The following NRXN3 variants were observed in gnomAD, a reference collection of about 807,000 sequenced individuals.
NRXN3 encodes neurexin 3, also known as neurexin III.
Under a neutral mutation model 137.6 loss-of-function variants are expected in NRXN3, and 32 were observed. The ratio of observed to expected loss-of-function variants is 0.23; its 90% CI spans 0.18 to 0.31. NRXN3 has a LOEUF of 0.31. Ranked by LOEUF, NRXN3 falls within the 10% of genes least tolerant of loss-of-function variation. The probability of loss-of-function intolerance (pLI) is 1.00; values close to 1 mark genes in which losing one functional copy is unlikely to be tolerated. For missense variants in NRXN3, 1,574 were observed against 2,062.5 expected, an observed-to-expected ratio of 0.76 and a Z score of 4.59; for synonymous variants, 798 against 784.5, an observed-to-expected ratio of 1.02 and a Z score of -0.29.
chr14:79,605,013 CAG>C (rs2097986363), intron 16 of NRXN3, among the ~76,000 whole-genome samples: 1 of 152,134 alleles, frequency 6.6e-6, no homozygotes, highest in African/African-American at 2.4e-5. Flanking sequence ...GCCTGGGCGA[CAG>C]AGTGAGACTC....
At chr14:79,037,958 G>A (rs1230821681) in intron 15 of NRXN3, among the ~76,000 whole-genome samples, 1 of 152,104 alleles carries the variant, frequency 6.6e-6, no homozygotes, top group Non-Finnish European at 1.5e-5. Context: ...ATCAGGTTAG[G>A]CTGAAAATAT....
intron 15 of NRXN3, among the ~76,000 whole-genome samples, chr14:79,051,378 TACATAA>T (rs2099641656): frequency 6.6e-6 from 1 of 152,182 alleles, no homozygotes; most frequent in African/African-American, 2.4e-5. Context: ...CTTTCTCTTA[TACATAA>T]AGAAACTGAG....
At chr14:79,011,995 A>T (rs1388593592) in intron 15 of NRXN3, among the ~76,000 whole-genome samples, 1 of 152,238 alleles carries the variant, frequency 6.6e-6, no homozygotes, top group Non-Finnish European at 1.5e-5. Flanking sequence ...TTACCATGCA[A>T]GAATTTTATT....
At chr14:79,019,653 A>C (rs1371353108) in intron 15 of NRXN3, among the ~76,000 whole-genome samples, 1 of 152,186 alleles carries the variant, frequency 6.6e-6, no homozygotes, top group Non-Finnish European at 1.5e-5. Flanking sequence ...TAGAAGAATT[A>C]CAGCATCCTA....
intron 4 of NRXN3, among the ~76,000 whole-genome samples, chr14:78,543,439 T>C (rs1478055090): frequency 6.6e-6 from 1 of 152,212 alleles, no homozygotes; most frequent in Non-Finnish European, 1.5e-5. Context: ...AGAAGTGTTT[T>C]TGAGCACTAA....
chr14:78,568,860 A>T (rs2096860901), intron 4 of NRXN3, among the ~76,000 whole-genome samples: 1 of 152,056 alleles, frequency 6.6e-6, no homozygotes, highest in Admixed American at 6.5e-5. Context: ...TGGGCATGAG[A>T]AACACTGGCA....
At chr14:79,837,791 A>G (rs1246259869) in intron 20 of NRXN3, among the ~76,000 whole-genome samples, 1 of 152,208 alleles carries the variant, frequency 6.6e-6, no homozygotes, top group Non-Finnish European at 1.5e-5. Flanking sequence ...AATGCCTTCA[A>G]ACATGAAGGC....
intron 15 of NRXN3, chr14:79,299,004 C>G (rs1263498198): frequency 6.6e-6 from 1 of 152,250 alleles, no homozygotes; most frequent in Non-Finnish European, 1.5e-5. Context: ...GCTAAACGTG[C>G]TATGCTAGTG....
intron 15 of NRXN3, among the ~76,000 whole-genome samples, chr14:79,029,725 G>A (rs1455358559): frequency 1.3e-5 from 2 of 152,018 alleles, no homozygotes; most frequent in African/African-American, 4.8e-5. Context: ...ATCTCCAGAT[G>A]TTGCCAAATA....
At position 78,516,732 on chromosome 14, in the gene NRXN3, A is replaced by T. The variant is rs1174842694; in HGVS notation, c.758-128388A>T. On this transcript the variant is annotated intron_variant, in intron 4 of 20. Transcript: ENST00000335750. ...ACCAAATGCCTAGTTGAGTTCTCTG[A>T]TGGGTAAGGTAGAATATTTGAGAGA... Among the ~76,000 whole-genome samples the T allele has an allele frequency of 4.6e-5, 7 of 152,148 alleles. No individual in the cohort carries two copies. The East Asian group carries it at 1.3e-3, about 29-fold the overall frequency.
intron 10 of NRXN3, among the ~76,000 whole-genome samples, chr14:78,943,745 C>A (rs1477990691): frequency 1.4e-5 from 2 of 139,136 alleles, no homozygotes; most frequent in Non-Finnish European, 3.1e-5. Context: ...GACAAGGTGG[C>A]AGGGTCCTTA....
intron 4 of NRXN3, among the ~76,000 whole-genome samples, chr14:78,573,302 AT>A (rs1360995643): frequency 1.3e-5 from 2 of 152,176 alleles, no homozygotes; most frequent in Admixed American, 6.5e-5. Context: ...ATACCCAAAA[AT>A]GTGAAAGTGA....
intron 10 of NRXN3, among the ~76,000 whole-genome samples, chr14:78,865,352 A>C (rs1429355198): frequency 1.3e-5 from 2 of 152,214 alleles, no homozygotes; most frequent in Non-Finnish European, 2.9e-5. Flanking sequence ...TAAGTAAAAT[A>C]ATTAATGATA....
intron 6 of NRXN3, among the ~76,000 whole-genome samples, chr14:78,674,624 A>G (rs2097980151): frequency 6.6e-6 from 1 of 152,168 alleles, no homozygotes; most frequent in Non-Finnish European, 1.5e-5. Context: ...ATCCATTAGC[A>G]GTGAGTGTGG....
intron 15 of NRXN3, among the ~76,000 whole-genome samples, chr14:79,030,220 G>T (rs1050365669): frequency 6.6e-6 from 1 of 151,468 alleles, no homozygotes; most frequent in Non-Finnish European, 1.5e-5. Context: ...CCTCTACATA[G>T]TAGATGCCAG....
intron 4 of NRXN3, among the ~76,000 whole-genome samples, chr14:78,624,089 A>G (rs1601528943): frequency 6.6e-6 from 1 of 152,240 alleles, no homozygotes; most frequent in Admixed American, 6.5e-5. Context: ...TCTATGGACT[A>G]TGATTGAGAG....
intron 15 of NRXN3, among the ~76,000 whole-genome samples, chr14:79,169,435 A>G (rs1226913120): frequency 1.3e-5 from 2 of 152,088 alleles, no homozygotes; most frequent in South Asian, 2.1e-4. Context: ...TATCTTGCCA[A>G]TCTATCACTT....
At chr14:79,705,022 A>C (rs1461717797) in intron 19 of NRXN3, among the ~76,000 whole-genome samples, 1 of 152,122 alleles carries the variant, frequency 6.6e-6, no homozygotes, top group Non-Finnish European at 1.5e-5. Flanking sequence ...GGTCTAGTCG[A>C]TGAAAGGGTC....
At chr14:79,490,905 T>C (rs2153656358) in intron 16 of NRXN3, among the ~76,000 whole-genome samples, 1 of 152,236 alleles carries the variant, frequency 6.6e-6, no homozygotes, top group Non-Finnish European at 1.5e-5. Flanking sequence ...CATGCCTGTA[T>C]CAAAACATCT....
Sources: allele counts gnomAD v4.1 joint callset (sites outside exome capture counted in the v4.1 genomes callset), GRCh38; gene constraint gnomAD v4.1.1; transcripts MANE v1.5; gene names NCBI Gene and HGNC (gene_info 2026-07-23, HGNC 2026-07-21).